The following ROBO1 variants were observed in gnomAD, a reference collection of about 807,000 sequenced individuals.
ROBO1 encodes roundabout guidance receptor 1, also known as roundabout homolog 1.
Under a neutral mutation model 195.9 loss-of-function variants are expected in ROBO1, and 149 were observed. The ratio of observed to expected loss-of-function variants is 0.76; its 90% CI spans 0.67 to 0.87. The LOEUF is 0.87. Ranked by LOEUF, ROBO1 falls within the 40% of genes least tolerant of loss-of-function variation. The pLI is 0.00. For synonymous variants in ROBO1, 816 were observed against 733.2 expected, an observed-to-expected ratio of 1.11 and a Z score of -1.82; for missense variants, 1,933 against 2,068.3, an observed-to-expected ratio of 0.93 and a Z score of 1.27.
chr3:78,908,417 T>C (rs1353909229), intron 4 of ROBO1, among the ~76,000 whole-genome samples: 4 of 152,058 alleles, frequency 2.6e-5, no homozygotes, highest in South Asian at 4.1e-4. Context: ...GCGGTAAATA[T>C]GCAATTTTGT....
intron 3 of ROBO1, among the ~76,000 whole-genome samples, chr3:79,121,341 T>C (rs1210986470): frequency 3.3e-5 from 5 of 152,142 alleles, no homozygotes; most frequent in Non-Finnish European, 7.4e-5. Flanking sequence ...TGTTTCTTGT[T>C]GAAATTTCTA....
chr3:78,974,477 G>A (rs2076842352), intron 3 of ROBO1, among the ~76,000 whole-genome samples: 1 of 152,038 alleles, frequency 6.6e-6, no homozygotes, highest in African/African-American at 2.4e-5. Context: ...GGCAATAGAA[G>A]GATAGATAGT....
intron 3 of ROBO1, among the ~76,000 whole-genome samples, chr3:79,099,832 A>G (rs1033621637): frequency 4.0e-5 from 6 of 151,682 alleles, no homozygotes; most frequent in Non-Finnish European, 8.8e-5. Context: ...CTAACTCCCA[A>G]AAGATCTTTT....
chr3:79,177,575 G>A (rs539946733), intron 2 of ROBO1, among the ~76,000 whole-genome samples: 17 of 152,280 alleles, frequency 1.1e-4, no homozygotes, highest in African/African-American at 3.9e-4. Context: ...TGGACTGAAG[G>A]ACAACATTAC....
At chr3:79,156,570 T>G (rs1489363919) in intron 2 of ROBO1, among the ~76,000 whole-genome samples, 1 of 151,822 alleles carries the variant, frequency 6.6e-6, no homozygotes, top group Non-Finnish European at 1.5e-5. Flanking sequence ...CAATTCAGTT[T>G]GGTTATGGGG....
chr3:79,455,224 C>T (rs2039579154), intron 2 of ROBO1, among the ~76,000 whole-genome samples: 1 of 151,678 alleles, frequency 6.6e-6, no homozygotes, highest in Non-Finnish European at 1.5e-5. Context: ...AAAAGGAGGG[C>T]CTGAAGCTAG....
At chr3:78,903,820 C>T (rs1287494088) in intron 4 of ROBO1, among the ~76,000 whole-genome samples, 3 of 152,064 alleles carry the variant, frequency 2.0e-5, no homozygotes, top group Non-Finnish European at 4.4e-5. Flanking sequence ...GCTTAAATCT[C>T]TTAGGCTGCA....
intron 1 of ROBO1, among the ~76,000 whole-genome samples, chr3:79,727,637 C>G (rs948924167): frequency 3.9e-5 from 6 of 152,112 alleles, no homozygotes; most frequent in African/African-American, 1.4e-4. Flanking sequence ...ATTAACTACA[C>G]AAACAGGTAA....
intron 3 of ROBO1, among the ~76,000 whole-genome samples, chr3:78,992,818 T>C (rs1436969057): frequency 6.6e-6 from 1 of 152,180 alleles, no homozygotes; most frequent in African/African-American, 2.4e-5. Flanking sequence ...TTCAAGCATG[T>C]CTGTGTACAC....
At chr3:79,214,876 G>A (rs183108446) in intron 2 of ROBO1, among the ~76,000 whole-genome samples, 97 of 143,880 alleles carry the variant, frequency 6.7e-4, no homozygotes, top group Non-Finnish European at 1.1e-3. Context: ...TTCCCTAACC[G>A]CCCTCAACTC....
chr3:79,316,481 T>C (rs1323704422), intron 2 of ROBO1, among the ~76,000 whole-genome samples: 14 of 152,138 alleles, frequency 9.2e-5, no homozygotes, highest in Admixed American at 9.2e-4. Flanking sequence ...ATTTCATCTT[T>C]AATTATAGGA....
intron 4 of ROBO1, among the ~76,000 whole-genome samples, chr3:78,767,588 A>T (rs1426089598): frequency 6.6e-6 from 1 of 152,148 alleles, no homozygotes; most frequent in South Asian, 2.1e-4. Context: ...TTTAATTACC[A>T]TTTCAATCTC....
At chr3:78,628,761 C>CA (rs1203088060) in intron 25 of ROBO1, among the ~76,000 whole-genome samples, 1 of 152,144 alleles carries the variant, frequency 6.6e-6, no homozygotes, top group Non-Finnish European at 1.5e-5. Context: ...CCTACTTATC[C>CA]AAACTAGAAA....
chr3:79,352,532 G>A (rs1022033237), intron 2 of ROBO1, among the ~76,000 whole-genome samples: 1 of 152,166 alleles, frequency 6.6e-6, no homozygotes, highest in Non-Finnish European at 1.5e-5. Flanking sequence ...TAATGCATAT[G>A]TATCTAATTC....
At chr3:79,759,132 G>A (rs1234183887) in intron 1 of ROBO1, among the ~76,000 whole-genome samples, 3 of 152,220 alleles carry the variant, frequency 2.0e-5, no homozygotes, top group South Asian at 2.1e-4. Flanking sequence ...TTAGTATGAG[G>A]TTTTTAATTG....
At chr3:79,086,295 T>TA (rs2079368689) in intron 3 of ROBO1, among the ~76,000 whole-genome samples, 1 of 151,902 alleles carries the variant, frequency 6.6e-6, no homozygotes, top group African/African-American at 2.4e-5. Flanking sequence ...TTTATTCAGT[T>TA]AAAAATCTCT....
chr3:79,345,492 T>C (rs77598556), intron 2 of ROBO1, among the ~76,000 whole-genome samples: 12,464 of 152,176 alleles, frequency 0.082, 543 homozygotes, highest in Middle Eastern at 0.099. Context: ...GATTCCAGAC[T>C]GTTTTGCTCT....
At chr3:79,741,567 A>G (rs573995753) in intron 1 of ROBO1, among the ~76,000 whole-genome samples, 1 of 152,262 alleles carries the variant, frequency 6.6e-6, no homozygotes, top group East Asian at 1.9e-4. Context: ...AGCAGTTCTT[A>G]CAGTAGCTTC....
chr3:78,784,042 C>T lies in ROBO1; in HGVS notation c.500-37142G>A, dbSNP rs149569220. 3.5e-3 allele frequency among the ~76,000 whole-genome samples: 528 copies of T among 152,022 alleles called. 4 individuals carry two copies. Among genetic ancestry groups the T allele is most frequent in the African/African-American group, 0.012 (495 of 41,504 alleles). On this transcript the variant is annotated intron_variant, in intron 4 of 30. Coordinates refer to ENST00000464233, the MANE Select transcript of ROBO1 (RefSeq NM_002941.4). ...TTGTTAGGAAAGAGTACATAAGTAA[C>T]TACGCAGAAAAAAAAGACATTTTTA...
Sources: allele counts gnomAD v4.1 joint callset (sites outside exome capture counted in the v4.1 genomes callset), GRCh38; gene constraint gnomAD v4.1.1; transcripts MANE v1.5; gene names NCBI Gene and HGNC (gene_info 2026-07-23, HGNC 2026-07-21).